Variants in NUDT3 observed in about 807,000 individuals in gnomAD.
The protein encoded by NUDT3 is nudix hydrolase 3, also known as diphosphoinositol polyphosphate phosphohydrolase 1.
Under a neutral mutation model 23.6 loss-of-function variants are expected in NUDT3, and 9 were observed. The observed-to-expected ratio is 0.38, with a 90% CI of 0.23 to 0.66. The LOEUF is 0.66. Ranked by LOEUF, NUDT3 falls within the 30% of genes least tolerant of loss-of-function variation. The pLI is 0.52. For missense variants in NUDT3, 172 were observed against 218.5 expected (o/e 0.79, Z 1.34); for synonymous variants, 86 against 82.6 (o/e 1.04, Z -0.22).
chr6:34,348,574 G>A (rs1764417338), intron 1 of NUDT3, among the ~76,000 whole-genome samples: 1 of 151,854 alleles, frequency 6.6e-6, no homozygotes, highest in African/African-American at 2.4e-5. Flanking sequence ...TCAGGAGATC[G>A]AGACCATCCT....
intron 2 of NUDT3, among the ~76,000 whole-genome samples, chr6:34,317,372 A>G (rs1025322024): frequency 2.6e-5 from 4 of 152,158 alleles, no homozygotes; most frequent in Non-Finnish European, 5.9e-5. Context: ...TAAAGCCTCC[A>G]GATTGGGAGA....
chr6:34,369,985 T>A (rs1764801443), intron 1 of NUDT3, among the ~76,000 whole-genome samples: 1 of 152,150 alleles, frequency 6.6e-6, no homozygotes, highest in Admixed American at 6.5e-5. Flanking sequence ...TAAAAACAAA[T>A]TTTTTAAAGT....
intron 2 of NUDT3, among the ~76,000 whole-genome samples, chr6:34,338,472 T>C (rs151260483): frequency 1.2e-4 from 19 of 152,356 alleles, no homozygotes; most frequent in African/African-American, 3.4e-4. Context: ...TCTGTATTCT[T>C]GGTGAGATGT....
chr6:34,345,144 G>C (rs966585830), intron 1 of NUDT3, among the ~76,000 whole-genome samples: 3 of 151,470 alleles, frequency 2.0e-5, no homozygotes, highest in African/African-American at 7.3e-5. Flanking sequence ...TGCCTCCCGG[G>C]TTCAAGTGAT....
chr6:34,304,834 CT>C (rs533001818), intron 2 of NUDT3, among the ~76,000 whole-genome samples: 16,197 of 130,702 alleles, frequency 0.12, 946 homozygotes, highest in Non-Finnish European at 0.16. Context: ...TAATTAAAAA[CT>C]TTTTTTTTTT....
At chr6:34,293,063 GTTTT>G (rs547819340) in intron 4 of NUDT3, among the ~76,000 whole-genome samples, 7 of 152,086 alleles carry the variant, frequency 4.6e-5, no homozygotes, top group South Asian at 2.1e-4. Flanking sequence ...TTGTTGTTCT[GTTTT>G]TTTGTTTGTT....
At chr6:34,316,328 G>C (rs557480101) in intron 2 of NUDT3, among the ~76,000 whole-genome samples, 2 of 152,238 alleles carry the variant, frequency 1.3e-5, no homozygotes, top group East Asian at 1.9e-4. Flanking sequence ...ATCACAAAAG[G>C]TAGTAAAGAG....
intron 2 of NUDT3, among the ~76,000 whole-genome samples, chr6:34,299,220 G>T (rs1422221028): frequency 1.3e-5 from 2 of 152,116 alleles, no homozygotes; most frequent in Non-Finnish European, 2.9e-5. Flanking sequence ...GAATTCAAGG[G>T]TATATTAAAT....
rs560344192 is a variant in NUDT3, at chr6:34,305,453, T to G, written c.211-9768A>C. On this transcript the variant is annotated intron_variant, in intron 2 of 4. Transcript: ENST00000607016. ...TCTTCATTTATTTCTGTCTTCCTAT[T>G]TATCAGTCTTGCCAGAAGTTTATCT... Among the ~76,000 whole-genome samples, 58 of 152,338 alleles carry G rather than the reference T, an allele frequency of 3.8e-4. No homozygotes were observed. In the East Asian group the frequency reaches 0.011, roughly 28 times the overall value.
chr6:34,282,000 C>G lies in NUDT3; in HGVS notation c.*6753G>C, dbSNP rs1261690935. The G allele has an allele frequency of 2.0e-5, 3 of 152,234 alleles. No homozygotes were observed. The highest frequency in any genetic ancestry group is 2.0e-4 in the Admixed American group (3 of 15,280). The allele number at this position is 152,234 out of a possible 1,614,324, so 9.4% of individuals were successfully genotyped here. ...AACTCTCCAAGACTTAACTTCCGATCTGGGGAGGTTCTACGTGGAGCAGAC... is the reference window on the plus strand; with the variant it reads ...AACTCTCCAAGACTTAACTTCCGATGTGGGGAGGTTCTACGTGGAGCAGAC... On this transcript the variant is annotated 3_prime_UTR_variant, in exon 5 of 5. Transcript: ENST00000607016.
At position 34,351,198 on chromosome 6, in the gene NUDT3, T is replaced by TTAAAAAAAAAAAAAAAAAAAAAAAAAA. The variant is rs1764462307; in HGVS notation, c.100-9227_100-9226insTTTTTTTTTTTTTTTTTTTTTTTTTTA. On this transcript the variant is annotated intron_variant, in intron 1 of 4. Transcript: ENST00000607016. ...GACCTCGTCTCTACACTCCCCTGCCTAAAAAAAAAAAAAAAAAAAAAAAAA... is the reference window on the plus strand; with the variant it reads ...GACCTCGTCTCTACACTCCCCTGCCTTAAAAAAAAAAAAAAAAAAAAAAAAAAAAAAAAAAAAAAAAAAAAAAAAAAA... Among the ~76,000 whole-genome samples, 7 of 17,890 alleles carry TTAAAAAAAAAAAAAAAAAAAAAAAAAA rather than the reference T, an allele frequency of 3.9e-4. 1 individual carries two copies. The highest frequency in any genetic ancestry group is 5.6e-4 in the Non-Finnish European group (5 of 8,852). 11.7% of individuals were successfully genotyped at this position (17,890 alleles called of 152,430 possible). A position where few individuals can be genotyped will look rare whatever the true frequency, so the allele number is the denominator to read the frequency against.
In NUDT3 at chr6:34,375,086, C is replaced by T. The variant is rs76027482; in HGVS notation, c.99+17178G>A. Among the ~76,000 whole-genome samples the T allele has an allele frequency of 1.5e-3, 230 of 152,308 alleles. 3 individuals carry two copies. The East Asian group carries it at 0.037, about 25-fold the overall frequency. ...GTTCGGCCGGGCGCTGTGGCTCATG[C>T]CTGTAATCCCAGCACTTTGGCCGAG... On this transcript the variant is annotated intron_variant, in intron 1 of 4. Coordinates refer to ENST00000607016, the MANE Select transcript of NUDT3 (RefSeq NM_006703.4).
intron 1 of NUDT3, among the ~76,000 whole-genome samples, chr6:34,362,074 T>C (rs1176538182): frequency 3.3e-5 from 5 of 152,188 alleles, no homozygotes; most frequent in Non-Finnish European, 5.9e-5. Context: ...GTGAGGGAGA[T>C]TGCCTGTGGA....
intron 2 of NUDT3, among the ~76,000 whole-genome samples, chr6:34,338,290 A>T (rs1764239210): frequency 6.6e-6 from 1 of 152,202 alleles, no homozygotes; most frequent in African/African-American, 2.4e-5. Context: ...CTGCATCCCC[A>T]AAGTCCCTCC....
intron 1 of NUDT3, among the ~76,000 whole-genome samples, chr6:34,357,259 T>A (rs1764576892): frequency 6.6e-6 from 1 of 151,734 alleles, no homozygotes; most frequent in Non-Finnish European, 1.5e-5. Flanking sequence ...GACTGAGGAG[T>A]ACATGGGGGT....
At chr6:34,324,333 C>T (rs1288641039) in intron 2 of NUDT3, among the ~76,000 whole-genome samples, 4 of 149,466 alleles carry the variant, frequency 2.7e-5, no homozygotes, top group African/African-American at 9.9e-5. Flanking sequence ...CCAGCATGGG[C>T]GACAGAGCAA....
chr6:34,283,064 C>G lies in NUDT3; in HGVS notation c.*5689G>C, dbSNP rs1763295525. 1 of 152,176 alleles carries G rather than the reference C, an allele frequency of 6.6e-6. No individual in the cohort carries two copies. The highest frequency in any genetic ancestry group is 1.5e-5 in the Non-Finnish European group (1 of 68,056). 9.4% of individuals were successfully genotyped at this position (152,176 alleles called of 1,614,324 possible). A position where few individuals can be genotyped will look rare whatever the true frequency, so the allele number is the denominator to read the frequency against. ...AAAGCTCAAACTCACCAAATTACCA[C>G]TATAAACAAAGCTTCAGGGAAGAGA... On this transcript the variant is annotated 3_prime_UTR_variant, in exon 5 of 5. Transcript: ENST00000607016.
chr6:34,324,299 G>C (rs1025194799), intron 2 of NUDT3, among the ~76,000 whole-genome samples: 1 of 151,002 alleles, frequency 6.6e-6, no homozygotes, highest in Non-Finnish European at 1.5e-5. Context: ...AGGTTGCAGT[G>C]AGCTGAGATC....
intron 1 of NUDT3, among the ~76,000 whole-genome samples, chr6:34,368,088 C>G (rs1764767649): frequency 6.6e-6 from 1 of 152,152 alleles, no homozygotes; most frequent in Non-Finnish European, 1.5e-5. Context: ...GTAGTCCCAG[C>G]TACTCGGGAG....
Sources: allele counts gnomAD v4.1 joint callset (sites outside exome capture counted in the v4.1 genomes callset), GRCh38; gene constraint gnomAD v4.1.1; transcripts MANE v1.5; gene names NCBI Gene and HGNC (gene_info 2026-07-23, HGNC 2026-07-21).